The following STPG2 variants were observed in gnomAD, a reference collection of about 807,000 sequenced individuals.
STPG2 encodes the protein sperm-tail PG-rich repeat-containing protein 2.
Under a neutral mutation model 54.2 loss-of-function variants are expected in STPG2, and 56 were observed. The observed-to-expected ratio is 1.03, with a 90% CI of 0.83 to 1.29. The LOEUF (loss-of-function observed/expected upper bound fraction) is 1.29, where lower values mean the gene tolerates loss of function less well. Among genes scored for constraint, STPG2 ranks in the 50% most tolerant of loss-of-function variants. The pLI, the probability that STPG2 is intolerant of heterozygous loss-of-function variation, is 0.00. For synonymous variants in STPG2, 200 were observed against 181.8 expected (o/e 1.10, Z -0.81); for missense variants, 596 against 544.9 (o/e 1.09, Z -0.93).
At chr4:97,620,404 G>T (rs929138654) in intron 10 of STPG2, among the ~76,000 whole-genome samples, 1 of 152,120 alleles carries the variant, frequency 6.6e-6, no homozygotes, top group Non-Finnish European at 1.5e-5. Flanking sequence ...TCAATATTTT[G>T]ATTTCACATT....
At chr4:97,817,532 T>G (rs1017231266) in intron 9 of STPG2, among the ~76,000 whole-genome samples, 2 of 151,956 alleles carry the variant, frequency 1.3e-5, no homozygotes, top group African/African-American at 4.8e-5. Context: ...AATAAATTAT[T>G]TCATTATAGT....
At chr4:97,564,500 C>A (rs1045080228) in intron 10 of STPG2, among the ~76,000 whole-genome samples, 1 of 152,146 alleles carries the variant, frequency 6.6e-6, no homozygotes, top group African/African-American at 2.4e-5. Context: ...TTATTTTGCT[C>A]GTTAGTTGAT....
intron 3 of STPG2, 55 bp from the exon 4 acceptor site, chr4:98,109,360 T>A: frequency 7.5e-7 from 1 of 1,336,664 alleles, no homozygotes; most frequent in Non-Finnish European, 1.0e-6. Flanking sequence ...AAATAAGTCA[T>A]GAAACAATGT....
chr4:97,922,933 T>C (rs1337806630), intron 8 of STPG2, among the ~76,000 whole-genome samples: 4 of 152,240 alleles, frequency 2.6e-5, no homozygotes, highest in Non-Finnish European at 5.9e-5. Context: ...ATACTCCTCC[T>C]TGCATCTCTG....
intron 8 of STPG2, among the ~76,000 whole-genome samples, chr4:97,865,756 G>T (rs1729747429): frequency 6.6e-6 from 1 of 151,840 alleles, no homozygotes; most frequent in South Asian, 2.1e-4. Context: ...ATGTAAATGA[G>T]GAGTTAATGG....
At chr4:97,639,051 T>G (rs1398446965) in intron 10 of STPG2, among the ~76,000 whole-genome samples, 1 of 152,000 alleles carries the variant, frequency 6.6e-6, no homozygotes, top group Non-Finnish European at 1.5e-5. Context: ...CACACGTATG[T>G]TTATTGCGGC....
At chr4:97,509,480 G>A (rs766463168) in intron 4 of STPG2, among the ~76,000 whole-genome samples, 2 of 152,174 alleles carry the variant, frequency 1.3e-5, no homozygotes, top group South Asian at 2.1e-4. Context: ...AGTTTCATTA[G>A]CACATTGTTC....
chr4:97,922,301 T>C (rs1732140461), intron 8 of STPG2, among the ~76,000 whole-genome samples: 1 of 151,914 alleles, frequency 6.6e-6, no homozygotes, highest in Non-Finnish European at 1.5e-5. Context: ...AATTATTCCT[T>C]AGAAAAGCTG....
At chr4:97,493,211 A>C (rs751613428) in intron 4 of STPG2, among the ~76,000 whole-genome samples, 2 of 151,192 alleles carry the variant, frequency 1.3e-5, no homozygotes, top group African/African-American at 2.4e-5. Flanking sequence ...CCACAAGAAT[A>C]ACACTGGTAA....
intron 9 of STPG2, among the ~76,000 whole-genome samples, chr4:97,764,450 A>C (rs969385113): frequency 1.3e-5 from 2 of 152,166 alleles, no homozygotes; most frequent in Non-Finnish European, 2.9e-5. Flanking sequence ...AGTGTCTATT[A>C]CTAAGGAAAT....
intron 7 of STPG2, among the ~76,000 whole-genome samples, chr4:97,945,217 T>A (rs1733161602): frequency 6.6e-6 from 1 of 150,588 alleles, no homozygotes. Context: ...CCTCCCACCC[T>A]CCCCTTTCTA....
intron 10 of STPG2, among the ~76,000 whole-genome samples, chr4:97,579,908 C>A (rs755998681): frequency 5.3e-5 from 8 of 151,962 alleles, no homozygotes; most frequent in Non-Finnish European, 1.2e-4. Context: ...ATATAGCCAT[C>A]AAAATTAAGT....
chr4:97,793,924 TATAC>T (rs1357051627), intron 9 of STPG2, among the ~76,000 whole-genome samples: 1 of 151,996 alleles, frequency 6.6e-6, no homozygotes, highest in Non-Finnish European at 1.5e-5. Flanking sequence ...AAGAAAGAGA[TATAC>T]ACTAATAATT....
intron 10 of STPG2, among the ~76,000 whole-genome samples, chr4:97,690,944 A>C (rs1180779533): frequency 6.6e-6 from 1 of 152,236 alleles, no homozygotes; most frequent in Non-Finnish European, 1.5e-5. Flanking sequence ...GACTAGGTCA[A>C]TATCAATGAC....
At chr4:97,831,092 AC>A (rs1728442567) in intron 9 of STPG2, among the ~76,000 whole-genome samples, 3 of 152,180 alleles carry the variant, frequency 2.0e-5, no homozygotes, top group African/African-American at 7.2e-5. Flanking sequence ...ACCTCATCTG[AC>A]TTATTCTAAA....
intron 4 of STPG2, among the ~76,000 whole-genome samples, chr4:97,535,065 A>G (rs945661355): frequency 6.6e-6 from 1 of 152,224 alleles, no homozygotes; most frequent in African/African-American, 2.4e-5. Context: ...GAAATTATGA[A>G]CAACATTTAT....
intron 4 of STPG2, among the ~76,000 whole-genome samples, chr4:97,547,138 C>A (rs974676961): frequency 6.6e-6 from 1 of 151,476 alleles, no homozygotes; most frequent in Non-Finnish European, 1.5e-5. Flanking sequence ...GGTAAAAGGG[C>A]TAGAGAGATA....
chr4:97,445,576 T>C (rs542762808), intron 4 of STPG2, among the ~76,000 whole-genome samples: 1 of 152,198 alleles, frequency 6.6e-6, no homozygotes, highest in African/African-American at 2.4e-5. Flanking sequence ...TTTCTAAAAC[T>C]GTCTTCAAAA....
intron 10 of STPG2, among the ~76,000 whole-genome samples, chr4:97,624,485 T>C (rs184956599): frequency 5.3e-5 from 8 of 152,326 alleles, no homozygotes; most frequent in Non-Finnish European, 8.8e-5. Context: ...GTTTTGTTCT[T>C]GTAAATTTGT....
Sources: gnomAD v4.1 joint callset for allele counts (sites outside exome capture counted in the v4.1 genomes callset) on GRCh38, gnomAD v4.1.1 for gene constraint, MANE v1.5 for transcripts, NCBI Gene and HGNC (gene_info 2026-07-23, HGNC 2026-07-21) for gene names.